LDHC: variants seen among roughly 807,000 people sequenced by gnomAD.
The protein encoded by LDHC is L-lactate dehydrogenase C chain.
Under a neutral mutation model 30.2 loss-of-function variants are expected in LDHC, and 20 were observed. The ratio of observed to expected loss-of-function variants is 0.66; its 90% CI spans 0.47 to 0.96. LDHC has a LOEUF of 0.96. LDHC is among the 40% of genes least tolerant of loss of function. The pLI is 0.00. For synonymous variants in LDHC, 139 were observed against 132.7 expected (o/e 1.05, Z -0.32); for missense variants, 362 against 394.9 (o/e 0.92, Z 0.71).
chr11:18,447,542 A>T (rs1343270835), intron 7 of LDHC, among the ~76,000 whole-genome samples: 1 of 152,112 alleles, frequency 6.6e-6, no homozygotes, highest in African/African-American at 2.4e-5. Flanking sequence ...AAGAAAGGGA[A>T]TTTTGGTTGG....
At chr11:18,421,024 G>A (rs997913913) in intron 3 of LDHC, among the ~76,000 whole-genome samples, 2 of 152,020 alleles carry the variant, frequency 1.3e-5, no homozygotes, top group African/African-American at 4.8e-5. Flanking sequence ...AAAAATGCAC[G>A]TTGTAATTTC....
At chr11:18,443,866 A>G (rs1231579523) in intron 6 of LDHC, among the ~76,000 whole-genome samples, 3 of 152,226 alleles carry the variant, frequency 2.0e-5, no homozygotes, top group Non-Finnish European at 4.4e-5. Context: ...AATGTGTTTC[A>G]GATCAGTACT....
At chr11:18,438,393 T>A in intron 5 of LDHC, 135 bp from the exon 6 acceptor site, 1 of 622,404 alleles carries the variant, frequency 1.6e-6, no homozygotes, top group South Asian at 1.9e-5. Flanking sequence ...GCGGTTACAT[T>A]TCAACATGAG....
intron 3 of LDHC, among the ~76,000 whole-genome samples, chr11:18,415,753 C>A (rs1867007729): frequency 6.6e-6 from 1 of 151,860 alleles, no homozygotes; most frequent in African/African-American, 2.4e-5. Context: ...AGTGCAGTGG[C>A]ACAATCTCAG....
intron 3 of LDHC, among the ~76,000 whole-genome samples, chr11:18,429,116 CTTTTTTTTTTT>C (rs36038254): frequency 4.3e-5 from 4 of 93,924 alleles, no homozygotes; most frequent in Admixed American, 1.5e-4. Context: ...TCATTTTGGT[CTTTTTTTTTTT>C]TTTTTTTTTT....
intron 4 of LDHC, among the ~76,000 whole-genome samples, chr11:18,431,667 C>G (rs1003736996): frequency 2.0e-5 from 3 of 152,026 alleles, no homozygotes; most frequent in African/African-American, 7.2e-5. Flanking sequence ...TGTTCAGCCT[C>G]CCATGTTGCT....
chr11:18,413,457 CTCTTT>C (rs1565045234), intron 2 of LDHC, among the ~76,000 whole-genome samples: 2 of 129,808 alleles, frequency 1.5e-5, no homozygotes, highest in African/African-American at 5.7e-5. Flanking sequence ...TTATTGTTCT[CTCTTT>C]TTTTTTTTTT....
intron 7 of LDHC, 51 bp downstream of exon 7, chr11:18,446,384 G>A: frequency 2.3e-6 from 3 of 1,290,506 alleles, no homozygotes; most frequent in South Asian, 1.2e-5. Flanking sequence ...AATATTTATT[G>A]GGTCACTACT....
intron 3 of LDHC, among the ~76,000 whole-genome samples, chr11:18,416,207 A>G (rs968721744): frequency 1.3e-5 from 2 of 152,176 alleles, no homozygotes; most frequent in Non-Finnish European, 1.5e-5. Flanking sequence ...AGAATATACA[A>G]TCTTGAAGAG....
At chr11:18,447,115 A>G (rs1426287839) in intron 7 of LDHC, among the ~76,000 whole-genome samples, 1 of 151,504 alleles carries the variant, frequency 6.6e-6, no homozygotes, top group East Asian at 1.9e-4. Flanking sequence ...TGACATTGGA[A>G]GCATCTGATG....
intron 3 of LDHC, among the ~76,000 whole-genome samples, chr11:18,418,602 T>C (rs527260075): frequency 6.6e-6 from 1 of 151,916 alleles, no homozygotes; most frequent in Admixed American, 6.6e-5. Flanking sequence ...GCTAATTGTA[T>C]TTTTAGTAGA....
intron 5 of LDHC, among the ~76,000 whole-genome samples, chr11:18,436,089 A>G (rs1414502219): frequency 6.6e-6 from 1 of 152,234 alleles, no homozygotes; most frequent in East Asian, 1.9e-4. Flanking sequence ...TCCAAGAGCC[A>G]TAATATAACA....
chr11:18,415,030 C>T (rs998263323), intron 2 of LDHC, among the ~76,000 whole-genome samples, 154 bp from the exon 3 acceptor site: 2 of 152,240 alleles, frequency 1.3e-5, no homozygotes, highest in Non-Finnish European at 1.5e-5. Flanking sequence ...CCTTGACTTT[C>T]GGTCACCCAG....
chr11:18,451,207 T>C lies in LDHC; in HGVS notation c.*80T>C. Reference sequence around the variant, plus strand: ...ATTTTAAATTTTGAAAGTATTTTCATTTGATCTTTAAAAAATAAAAACAAA... The same window carrying C: ...ATTTTAAATTTTGAAAGTATTTTCACTTGATCTTTAAAAAATAAAAACAAA... On this transcript the variant is annotated 3_prime_UTR_variant, in exon 8 of 8. Coordinates refer to ENST00000541669, the MANE Select transcript of LDHC (RefSeq NM_017448.5). 1.0e-6 allele frequency: 1 copy of C among 987,966 alleles called. No homozygotes were observed. Among genetic ancestry groups the C allele is most frequent in the South Asian group, 2.1e-5 (1 of 46,712 alleles). 61.2% of individuals were successfully genotyped at this position (987,966 alleles called of 1,614,324 possible). A position where few individuals can be genotyped will look rare whatever the true frequency, so the allele number is the denominator to read the frequency against.
At chr11:18,439,126 T>C (rs1848411059) in intron 6 of LDHC, among the ~76,000 whole-genome samples, 1 of 151,812 alleles carries the variant, frequency 6.6e-6, no homozygotes, top group Admixed American at 6.5e-5. Context: ...GATGAAACAT[T>C]AAGCTAATGC....
intron 5 of LDHC, 34 bp downstream of exon 5, chr11:18,434,947 C>G (rs748279787): frequency 2.1e-6 from 3 of 1,418,182 alleles, no homozygotes; most frequent in Non-Finnish European, 3.0e-6. Context: ...ACGTGACTAC[C>G]CTTCTTATCT....
At chr11:18,438,907 G>T (rs1848406944) in intron 6 of LDHC, among the ~76,000 whole-genome samples, 1 of 152,142 alleles carries the variant, frequency 6.6e-6, no homozygotes, top group African/African-American at 2.4e-5. Flanking sequence ...GACCCAGGTT[G>T]TCCAGGTTTG....
At chr11:18,415,988 C>T (rs1030018594) in intron 3 of LDHC, among the ~76,000 whole-genome samples, 2 of 152,130 alleles carry the variant, frequency 1.3e-5, no homozygotes, top group Non-Finnish European at 2.9e-5. Context: ...AGCTGCGGTG[C>T]CCAGCCGGGC....
At position 18,424,533 on chromosome 11, in the gene LDHC, G is replaced by A. The variant is rs534910578; in HGVS notation, c.245-5204G>A. Among the ~76,000 whole-genome samples the A allele has an allele frequency of 7.8e-4, 119 of 152,248 alleles. 6 individuals carry two copies. Among genetic ancestry groups the A allele is most frequent in the Non-Finnish European group, 3.7e-4 (25 of 68,026 alleles). On this transcript the variant is annotated intron_variant, in intron 3 of 7. Coordinates refer to ENST00000541669, the MANE Select transcript of LDHC (RefSeq NM_017448.5). ...GATACATGTACAAGAACGTATTGTAGTAGCCCCAAACTGTAAACAAGTCAA... is the reference window on the plus strand; with the variant it reads ...GATACATGTACAAGAACGTATTGTAATAGCCCCAAACTGTAAACAAGTCAA...
Sources: gnomAD v4.1 joint callset for allele counts (sites outside exome capture counted in the v4.1 genomes callset) on GRCh38, gnomAD v4.1.1 for gene constraint, MANE v1.5 for transcripts, NCBI Gene and HGNC (gene_info 2026-07-23, HGNC 2026-07-21) for gene names.